The following RTN1 variants were observed in gnomAD, a reference collection of about 807,000 sequenced individuals.
RTN1 encodes reticulon 1.
A neutral mutation model predicts 65.5 loss-of-function variants in RTN1; 25 were observed. That is an observed-to-expected ratio of 0.38 (90% CI 0.28 to 0.53). The LOEUF is 0.53. Among genes scored for constraint, RTN1 ranks in the 20% least tolerant of loss-of-function variants. The pLI, the probability that RTN1 is intolerant of heterozygous loss-of-function variation, is 0.79. For missense variants in RTN1, 983 were observed against 1,025.4 expected, an observed-to-expected ratio of 0.96 and a Z score of 0.57; for synonymous variants, 471 against 447.6, an observed-to-expected ratio of 1.05 and a Z score of -0.66.
At chr14:59,681,472 A>C (rs954739758) in intron 3 of RTN1, among the ~76,000 whole-genome samples, 1 of 152,150 alleles carries the variant, frequency 6.6e-6, no homozygotes, top group Non-Finnish European at 1.5e-5. Flanking sequence ...ATCAATGATG[A>C]GTGTCATATC....
chr14:59,723,736 A>C (rs1884698299), intron 3 of RTN1, among the ~76,000 whole-genome samples: 1 of 152,242 alleles, frequency 6.6e-6, no homozygotes, highest in Admixed American at 6.5e-5. Context: ...TACGTCTTGG[A>C]AGCAGCCTGA....
intron 1 of RTN1, among the ~76,000 whole-genome samples, chr14:59,795,992 G>A (rs1886432206): frequency 6.6e-6 from 1 of 152,054 alleles, no homozygotes; most frequent in Non-Finnish European, 1.5e-5. Flanking sequence ...TACCATGGGA[G>A]GTACTAGGGA....
chr14:59,687,620 T>C (rs1883874822), intron 3 of RTN1, among the ~76,000 whole-genome samples: 1 of 151,866 alleles, frequency 6.6e-6, no homozygotes, highest in Non-Finnish European at 1.5e-5. Flanking sequence ...TAAGCTGCCC[T>C]ACCTTTCCTG....
At position 59,613,833 on chromosome 14, in the gene RTN1, T is replaced by C. The variant is rs527661212; in HGVS notation, c.1766-6341A>G. 3.3e-5 allele frequency among the ~76,000 whole-genome samples: 5 copies of C among 152,150 alleles called. No homozygotes were observed. In the East Asian group the frequency reaches 9.7e-4, roughly 29 times the overall value. On this transcript the variant is annotated intron_variant, in intron 3 of 8. Transcript: ENST00000267484. ...AAAAAAAAACCCTCTGATTTCCTTA[T>C]AAAACCCCAGGAATTTAAAAGCAGA...
chr14:59,675,813 T>C (rs1184685915), intron 3 of RTN1, among the ~76,000 whole-genome samples: 4 of 152,076 alleles, frequency 2.6e-5, no homozygotes, highest in African/African-American at 4.8e-5. Context: ...ATTTAAGATA[T>C]AAATCACAAG....
At chr14:59,658,364 G>GAGCAGTAGATCTCCC (rs71111659) in intron 3 of RTN1, among the ~76,000 whole-genome samples, 63,613 of 151,562 alleles carry the variant, frequency 0.42, 14,213 homozygotes, top group African/African-American at 0.57. Flanking sequence ...GCTCTAAAGA[G>GAGCAGTAGATCTCCC]AGCACAGTGC....
rs1887840853 is a variant in RTN1 at position 59,868,848 on chromosome 14, G to A, written c.241+1542C>T. 6.6e-6 allele frequency among the ~76,000 whole-genome samples: 1 copy of A among 152,108 alleles called. No individual in the cohort carries two copies. Among genetic ancestry groups the A allele is most frequent in the African/African-American group, 2.4e-5 (1 of 41,398 alleles). On this transcript the variant is annotated intron_variant, in intron 1 of 8. Transcript: ENST00000267484. The surrounding 1 kb of genome is among the most constrained non-coding windows in gnomAD (Gnocchi z 4.0). ...GAGCAGTCTATCCTCAACAAAGAAT[G>A]GTAAAGACAAAAACTACCTTCCTTT...
chr14:59,596,672 G>A lies in RTN1; in HGVS notation c.*73C>T. ...AGGGGGGAAAGACAATCAATTTGCA[G>A]TAATGAGTAAGAAGAGAGCTGTTAC... On this transcript the variant is annotated 3_prime_UTR_variant, in exon 9 of 9. Coordinates refer to ENST00000267484, the MANE Select transcript of RTN1 (RefSeq NM_021136.3). The A allele has an allele frequency of 8.8e-7, 1 of 1,132,988 alleles. No homozygotes were observed. The highest frequency in any genetic ancestry group is 1.3e-6 in the Non-Finnish European group (1 of 742,040). The allele number at this position is 1,132,988 out of a possible 1,614,324, so 70.2% of individuals were successfully genotyped here.
chr14:59,700,292 A>G (rs1455143546), intron 3 of RTN1, among the ~76,000 whole-genome samples: 1 of 152,194 alleles, frequency 6.6e-6, no homozygotes, highest in Non-Finnish European at 1.5e-5. Flanking sequence ...TATTGTTAAG[A>G]TGGCAGTACT....
chr14:59,646,274 A>T (rs1364838436), intron 3 of RTN1, among the ~76,000 whole-genome samples: 1 of 152,234 alleles, frequency 6.6e-6, no homozygotes, highest in Admixed American at 6.5e-5. Context: ...AAAATAATGA[A>T]AAGGAACAAA....
chr14:59,607,559 A>C (rs1339590165), intron 3 of RTN1, 67 bp from the exon 4 acceptor site: 5 of 1,367,754 alleles, frequency 3.7e-6, no homozygotes, highest in Non-Finnish European at 5.1e-6. Flanking sequence ...GCTGTGGCTC[A>C]CTCCACCAAG....
In RTN1 at chr14:59,749,402, ATCTATATCTATATATATC is replaced by A. The variant is rs1218776609; in HGVS notation, c.242-2939_242-2922del. Among the ~76,000 whole-genome samples the A allele has an allele frequency of 1.5e-4, 10 of 68,894 alleles. No individual in the cohort carries two copies. The South Asian group carries it at 1.9e-3, about 13-fold the overall frequency. 45.2% of individuals were successfully genotyped at this position (68,894 alleles called of 152,430 possible). On this transcript the variant is annotated intron_variant, in intron 1 of 8. Coordinates refer to ENST00000267484, the MANE Select transcript of RTN1 (RefSeq NM_021136.3). ...TCTATATCTATATATATCTATATAT[ATCTATATCTATATATATC>A]TATATATCTATATATATCTATATCT...
Position 59,870,763 on chromosome 14 carries a change from G to T in RTN1, c.-133C>A. On this transcript the variant is annotated 5_prime_UTR_variant, in exon 1 of 9. Transcript: ENST00000267484. The surrounding 1 kb of genome is among the most constrained non-coding windows in gnomAD (Gnocchi z 5.1). ...GCTGCGGTGTCTCAGCGTCGCCGCCGCCTCTGCTGCAACTCCGCCGAGCCG... is the reference window on the plus strand; with the variant it reads ...GCTGCGGTGTCTCAGCGTCGCCGCCTCCTCTGCTGCAACTCCGCCGAGCCG... 2.0e-6 allele frequency: 2 copies of T among 984,600 alleles called. No individual in the cohort carries two copies. The highest frequency in any genetic ancestry group is 2.6e-6 in the Non-Finnish European group (2 of 758,986). 61.0% of individuals were successfully genotyped at this position (984,600 alleles called of 1,614,324 possible).
intron 3 of RTN1, among the ~76,000 whole-genome samples, chr14:59,647,867 T>C (rs1444348528): frequency 2.0e-5 from 3 of 152,002 alleles, no homozygotes; most frequent in Non-Finnish European, 2.9e-5. Context: ...AACCTAACCC[T>C]GCAACTAAAA....
chr14:59,666,411 T>C (rs1211487126), intron 3 of RTN1, among the ~76,000 whole-genome samples: 2 of 152,168 alleles, frequency 1.3e-5, no homozygotes, highest in Admixed American at 6.5e-5. Flanking sequence ...AGACACAATG[T>C]ACCAGAATCT....
intron 3 of RTN1, among the ~76,000 whole-genome samples, chr14:59,719,937 T>TA (rs1884613087): frequency 6.6e-6 from 1 of 152,190 alleles, no homozygotes; most frequent in Admixed American, 6.5e-5. Context: ...CTTGGAGGCA[T>TA]AAAAATGTTT....
chr14:59,760,113 G>A (rs548181740), intron 1 of RTN1, among the ~76,000 whole-genome samples: 2 of 152,216 alleles, frequency 1.3e-5, no homozygotes, highest in East Asian at 3.9e-4. Context: ...CATCAACAAA[G>A]CCTAGCTAAA....
intron 3 of RTN1, among the ~76,000 whole-genome samples, chr14:59,683,458 A>C (rs1431062857): frequency 6.6e-6 from 1 of 152,074 alleles, no homozygotes; most frequent in Non-Finnish European, 1.5e-5. Context: ...AAATTGAAAA[A>C]AAAAAAGCTT....
chr14:59,616,190 A>G (rs1011917151), intron 3 of RTN1, among the ~76,000 whole-genome samples: 1 of 152,150 alleles, frequency 6.6e-6, no homozygotes, highest in Non-Finnish European at 1.5e-5. Flanking sequence ...CGTTATTGGT[A>G]TATGCTCTGA....
Sources: gnomAD v4.1 joint callset for allele counts (sites outside exome capture counted in the v4.1 genomes callset) on GRCh38, gnomAD v4.1.1 for gene constraint, Gnocchi (gnomAD v3.1) non-coding constraint, MANE v1.5 for transcripts, NCBI Gene and HGNC (gene_info 2026-07-23, HGNC 2026-07-21) for gene names.